Variants in HIBADH observed in about 807,000 individuals in gnomAD.
HIBADH encodes the protein 3-hydroxyisobutyrate dehydrogenase, mitochondrial.
A neutral mutation model predicts 36.1 loss-of-function variants in HIBADH; 25 were observed. That is an observed-to-expected ratio of 0.69 (90% confidence interval 0.50 to 0.97). The LOEUF (loss-of-function observed/expected upper bound fraction) is 0.97, where lower values mean the gene tolerates loss of function less well. HIBADH is among the 50% of genes least tolerant of loss of function. The pLI is 0.00. For missense variants in HIBADH, 421 were observed against 418.0 expected, an observed-to-expected ratio of 1.01 and a Z score of -0.06; for synonymous variants, 160 against 149.5, an observed-to-expected ratio of 1.07 and a Z score of -0.51.
At chr7:27,583,586 C>T (rs905270560) in intron 4 of HIBADH, among the ~76,000 whole-genome samples, 1 of 151,956 alleles carries the variant, frequency 6.6e-6, no homozygotes, top group Non-Finnish European at 1.5e-5. Flanking sequence ...ACTACTAACA[C>T]AACACTGTAA....
intron 4 of HIBADH, among the ~76,000 whole-genome samples, chr7:27,564,296 T>A (rs549211220): frequency 1.3e-5 from 2 of 152,368 alleles, no homozygotes; most frequent in African/African-American, 4.8e-5. Context: ...CCAGAAGGAT[T>A]TTCTCATATA....
chr7:27,530,268 C>T (rs1285421483), intron 7 of HIBADH, among the ~76,000 whole-genome samples: 4 of 151,868 alleles, frequency 2.6e-5, no homozygotes, highest in African/African-American at 9.7e-5. Context: ...TGCAATGGTG[C>T]TATCTCAGCT....
chr7:27,526,443 GT>G, intron 7 of HIBADH, 71 bp from the exon 8 acceptor site: 2 of 1,246,102 alleles, frequency 1.6e-6, no homozygotes, highest in Non-Finnish European at 2.1e-6. Context: ...GGTTCCTTAT[GT>G]TTTGGTTTGA....
chr7:27,585,969 TAAG>T (rs1429629236), intron 4 of HIBADH, among the ~76,000 whole-genome samples: 1 of 152,186 alleles, frequency 6.6e-6, no homozygotes, highest in Non-Finnish European at 1.5e-5. Flanking sequence ...TATTCTAATC[TAAG>T]AAGATAGGTG....
At chr7:27,541,663 A>T in intron 5 of HIBADH, 1 of 380,414 alleles carries the variant, frequency 2.6e-6, no homozygotes, top group South Asian at 2.0e-5. Context: ...TTGTAATGTC[A>T]TGACTTTTCT....
At chr7:27,594,269 G>A (rs975992048) in intron 4 of HIBADH, among the ~76,000 whole-genome samples, 3 of 150,170 alleles carry the variant, frequency 2.0e-5, no homozygotes, top group Admixed American at 6.7e-5. Context: ...TCAGCCTCCC[G>A]AATAGCTGGG....
chr7:27,552,578 G>C (rs1784333179), intron 4 of HIBADH, among the ~76,000 whole-genome samples: 1 of 152,194 alleles, frequency 6.6e-6, no homozygotes, highest in Non-Finnish European at 1.5e-5. Flanking sequence ...TGTATCCTCA[G>C]ACTTTACATA....
intron 4 of HIBADH, among the ~76,000 whole-genome samples, chr7:27,617,487 C>A (rs990176004): frequency 6.6e-6 from 1 of 152,126 alleles, no homozygotes; most frequent in Non-Finnish European, 1.5e-5. Context: ...TTGAAAATGG[C>A]TGACGACAGA....
At chr7:27,651,231 G>A (rs1786188912) in intron 1 of HIBADH, among the ~76,000 whole-genome samples, 1 of 152,166 alleles carries the variant, frequency 6.6e-6, no homozygotes, top group Non-Finnish European at 1.5e-5. Context: ...AAGAACTAGA[G>A]GTCTTCTTGG....
intron 4 of HIBADH, among the ~76,000 whole-genome samples, chr7:27,603,555 G>T (rs1447620663): frequency 1.3e-5 from 2 of 151,894 alleles, no homozygotes; most frequent in African/African-American, 2.4e-5. Context: ...TAAAAATCTA[G>T]TATTAAAAAT....
chr7:27,572,394 A>G (rs530732244), intron 4 of HIBADH, among the ~76,000 whole-genome samples: 1 of 152,370 alleles, frequency 6.6e-6, no homozygotes, highest in African/African-American at 2.4e-5. Context: ...TATGTAAAGA[A>G]ACAAAACAGG....
intron 4 of HIBADH, among the ~76,000 whole-genome samples, chr7:27,548,067 T>C (rs1045232694): frequency 3.9e-5 from 6 of 152,118 alleles, no homozygotes; most frequent in South Asian, 2.1e-4. Flanking sequence ...GGTAGCTGAC[T>C]ACCCTGATTT....
At chr7:27,573,978 T>A (rs1268789011) in intron 4 of HIBADH, among the ~76,000 whole-genome samples, 1 of 152,130 alleles carries the variant, frequency 6.6e-6, no homozygotes, top group Non-Finnish European at 1.5e-5. Context: ...GTGGCTTATA[T>A]TACATTTCTA....
At chr7:27,591,004 T>C (rs1784931593) in intron 4 of HIBADH, among the ~76,000 whole-genome samples, 1 of 152,194 alleles carries the variant, frequency 6.6e-6, no homozygotes, top group Non-Finnish European at 1.5e-5. Context: ...AAGTTGATTT[T>C]TCTTTTTATA....
chr7:27,631,121 C>T (rs993159002), intron 3 of HIBADH, among the ~76,000 whole-genome samples: 4 of 152,176 alleles, frequency 2.6e-5, no homozygotes, highest in African/African-American at 7.2e-5. Context: ...TCACCATATT[C>T]CTTAGCAAAG....
At chr7:27,535,753 T>TA (rs1030276767) in intron 6 of HIBADH, among the ~76,000 whole-genome samples, 4 of 150,976 alleles carry the variant, frequency 2.6e-5, no homozygotes, top group African/African-American at 9.9e-5. Flanking sequence ...TTTTACTCTT[T>TA]ACTTTTTTTT....
chr7:27,533,513 C>A (rs1460502732), intron 6 of HIBADH, among the ~76,000 whole-genome samples: 2 of 152,038 alleles, frequency 1.3e-5, no homozygotes, highest in African/African-American at 2.4e-5. Flanking sequence ...TTAAAAAGAG[C>A]AAGTTAGAAG....
chr7:27,657,154 G>C (rs557499953), intron 1 of HIBADH, among the ~76,000 whole-genome samples: 1 of 151,970 alleles, frequency 6.6e-6, no homozygotes, highest in East Asian at 1.9e-4. Flanking sequence ...AAACTTCTGT[G>C]ACTCTCCATA....
intron 4 of HIBADH, among the ~76,000 whole-genome samples, chr7:27,597,470 G>C (rs911530623): frequency 6.6e-6 from 1 of 151,282 alleles, no homozygotes; most frequent in African/African-American, 2.4e-5. Context: ...CAATCATGAT[G>C]CTCGGAGTCA....
Sources: gnomAD v4.1 joint callset for allele counts (sites outside exome capture counted in the v4.1 genomes callset) on GRCh38, gnomAD v4.1.1 for gene constraint, MANE v1.5 for transcripts, NCBI Gene and HGNC (gene_info 2026-07-23, HGNC 2026-07-21) for gene names.